Variants in TTC23 observed in about 807,000 individuals in gnomAD.
TTC23 encodes the protein tetratricopeptide repeat protein 23.
Under a neutral mutation model 55.1 loss-of-function variants are expected in TTC23, and 58 were observed. The ratio of observed to expected loss-of-function variants is 1.05; its 90% confidence interval spans 0.85 to 1.31. The LOEUF is 1.31. TTC23 is among the 50% of genes most tolerant of loss of function. The pLI is 0.00. For missense variants in TTC23, 516 were observed against 534.4 expected (o/e 0.97, Z 0.34); for synonymous variants, 203 against 199.9 (o/e 1.02, Z -0.13).
At chr15:99,230,755 G>A (rs1278187658) in intron 4 of TTC23, among the ~76,000 whole-genome samples, 5 of 152,250 alleles carry the variant, frequency 3.3e-5, no homozygotes, top group South Asian at 2.1e-4. Context: ...CTTAAATTCC[G>A]TACTGGTGAA....
intron 8 of TTC23, among the ~76,000 whole-genome samples, chr15:99,213,008 G>GAAAAAAAAA (rs1567501244): frequency 9.6e-6 from 1 of 104,470 alleles, no homozygotes; most frequent in Non-Finnish European, 1.8e-5. Context: ...AAAAAAAAAG[G>GAAAAAAAAA]GGGGGACATA....
In TTC23 at chr15:99,175,064, C is replaced by T. The variant is rs1424163628; in HGVS notation, c.851G>A (p.Arg284Lys). 1 of 1,613,992 alleles carries T rather than the reference C, an allele frequency of 6.2e-7. No individual in the cohort carries two copies. Among genetic ancestry groups the T allele is most frequent in the East Asian group, 2.2e-5 (1 of 44,896 alleles). ...ATTCTTCTCACCATGGTGCTCGTGTCTCCCTGAAGCGACAGCAGCATGGGC... is the reference window on the plus strand; with the variant it reads ...ATTCTTCTCACCATGGTGCTCGTGTTTCCCTGAAGCGACAGCAGCATGGGC... ...IVAHAAVASG[R>K]HEHHDVAEQY... The change falls in exon 10 of 14, where the codon AGA (arginine) becomes AAA (lysine). Residue 284 changes from arginine to lysine, a missense_variant. Physicochemically the swap from Arg to Lys is conservative, Grantham distance 26 (BLOSUM62 2). Transcript: ENST00000394132.
At chr15:99,204,123 G>T (rs2076418290) in intron 8 of TTC23, among the ~76,000 whole-genome samples, 1 of 152,110 alleles carries the variant, frequency 6.6e-6, no homozygotes, top group Non-Finnish European at 1.5e-5. Flanking sequence ...CAGTGTATGA[G>T]TGTCCCCCTT....
chr15:99,180,136 C>T (rs7170268), intron 9 of TTC23, among the ~76,000 whole-genome samples: 10,710 of 152,156 alleles, frequency 0.07, 406 homozygotes, highest in South Asian at 0.089. Flanking sequence ...CACTCCTTCT[C>T]CTCAGGATTT....
chr15:99,219,044 C>T lies in TTC23; in HGVS notation c.309G>A (p.Leu103=). The T allele has an allele frequency of 1.2e-6, 2 of 1,614,086 alleles. No individual in the cohort carries two copies. Among genetic ancestry groups the T allele is most frequent in the Non-Finnish European group, 1.7e-6 (2 of 1,179,978 alleles). The part of the protein sequence containing the change: ...LAQGYLQLKG[L]SLQAKQHAEK... ...CTGCATGTTGTTTTGCTTGCAGTGA[C>T]AGTCCTGTGGACAAAGAAAAAGAGG... The change falls in exon 7 of 14, where the codon CTG becomes CTA. Residue 103 remains leucine, a synonymous_variant. Coordinates refer to ENST00000394132, the MANE Select transcript of TTC23 (RefSeq NM_001288615.3).
intron 9 of TTC23, among the ~76,000 whole-genome samples, chr15:99,179,879 G>A (rs1490611732): frequency 6.6e-6 from 1 of 152,220 alleles, no homozygotes; most frequent in Non-Finnish European, 1.5e-5. Context: ...TAGGGAGTGA[G>A]TGCAAAGGAC....
At position 99,190,369 on chromosome 15, in the gene TTC23, T is replaced by A. The variant is rs970019015; in HGVS notation, c.759+9550A>T. ...CTCACTGCAACCTCCACCTCCTGGG[T>A]TCAAGCGATTCTCCTGCCTCAGCCT... is the stretch of plus-strand genomic sequence containing the variant. On this transcript the variant is annotated intron_variant, in intron 9 of 13. Coordinates refer to ENST00000394132, the MANE Select transcript of TTC23 (RefSeq NM_001288615.3). Among the ~76,000 whole-genome samples, 45 of 150,942 alleles carry A rather than the reference T, an allele frequency of 3.0e-4. 1 individual carries two copies. The highest frequency in any genetic ancestry group is 1.1e-3 in the African/African-American group (44 of 41,062).
intron 3 of TTC23, among the ~76,000 whole-genome samples, chr15:99,235,527 C>G (rs531402781): frequency 6.6e-6 from 1 of 151,914 alleles, no homozygotes; most frequent in African/African-American, 2.4e-5. Flanking sequence ...CACACCACCA[C>G]GCCCAGCTAA....
At chr15:99,234,457 A>G (rs3937681) in intron 4 of TTC23, among the ~76,000 whole-genome samples, 119,383 of 152,116 alleles carry the variant, frequency 0.78, 46,918 homozygotes, top group Middle Eastern at 0.87. Context: ...TGCAAGCTCC[A>G]CCTCCTGGGT....
chr15:99,170,079 C>G (rs1026963551), intron 10 of TTC23, among the ~76,000 whole-genome samples: 2 of 152,144 alleles, frequency 1.3e-5, no homozygotes, highest in African/African-American at 2.4e-5. Context: ...CTTAGCAGGG[C>G]TGGGAAAGCT....
At chr15:99,188,858 A>G (rs2074980411) in intron 9 of TTC23, among the ~76,000 whole-genome samples, 1 of 152,100 alleles carries the variant, frequency 6.6e-6, no homozygotes. Context: ...ATACATTGCT[A>G]ATGGAAATAC....
intron 8 of TTC23, among the ~76,000 whole-genome samples, 197 bp downstream of exon 8, chr15:99,218,391 G>A (rs1378464215): frequency 6.6e-6 from 1 of 152,174 alleles, no homozygotes; most frequent in Non-Finnish European, 1.5e-5. Flanking sequence ...ACTCCACAGA[G>A]AGTGAAAAGT....
chr15:99,241,924 G>A (rs1019043328), intron 2 of TTC23, among the ~76,000 whole-genome samples: 6 of 152,252 alleles, frequency 3.9e-5, no homozygotes, highest in African/African-American at 1.2e-4. Context: ...GGCTTGAGCC[G>A]AGGAGTTCAA....
intron 9 of TTC23, among the ~76,000 whole-genome samples, chr15:99,190,574 T>C (rs2075163651): frequency 6.6e-6 from 1 of 152,206 alleles, no homozygotes; most frequent in Non-Finnish European, 1.5e-5. Context: ...TATGTGTGTA[T>C]GTTTGTATGT....
At chr15:99,192,250 G>A (rs2075304325) in intron 9 of TTC23, among the ~76,000 whole-genome samples, 1 of 152,214 alleles carries the variant, frequency 6.6e-6, no homozygotes, top group Non-Finnish European at 1.5e-5. Flanking sequence ...GCCAGCTGCA[G>A]GTAATGAGGA....
intron 3 of TTC23, among the ~76,000 whole-genome samples, chr15:99,238,576 G>A (rs1356792800): frequency 1.3e-5 from 2 of 152,156 alleles, no homozygotes; most frequent in Non-Finnish European, 2.9e-5. Context: ...AAAAGGCTTG[G>A]AAGTGGGAAA....
chr15:99,224,188 G>A (rs2078191239), intron 5 of TTC23, among the ~76,000 whole-genome samples: 1 of 152,178 alleles, frequency 6.6e-6, no homozygotes, highest in South Asian at 2.1e-4. Context: ...GCTGAAAGAA[G>A]GTGGACTGTC....
intron 8 of TTC23, among the ~76,000 whole-genome samples, chr15:99,212,984 C>CA (rs1219150354): frequency 0.13 from 9,265 of 71,544 alleles, 787 homozygotes; most frequent in African/African-American, 0.14. Context: ...GACCCTATCT[C>CA]AAAAAAAAAA....
At chr15:99,141,645 C>A (rs1427053296) in intron 12 of TTC23, among the ~76,000 whole-genome samples, 1 of 152,132 alleles carries the variant, frequency 6.6e-6, no homozygotes, top group Admixed American at 6.5e-5. Flanking sequence ...ACTACTGAAG[C>A]CTGTTTATTC....
Sources: gnomAD v4.1 joint callset for allele counts (sites outside exome capture counted in the v4.1 genomes callset) on GRCh38, gnomAD v4.1.1 for gene constraint, MANE v1.5 for transcripts, NCBI Gene and HGNC (gene_info 2026-07-23, HGNC 2026-07-21) for gene names.